LPCAT1: variants seen among roughly 807,000 people sequenced by gnomAD.
LPCAT1 encodes the protein lysophosphatidylcholine acyltransferase 1.
In LPCAT1, 23 loss-of-function variants were observed where a neutral mutation model predicts 60.9. The observed-to-expected ratio is 0.38, with a 90% CI of 0.27 to 0.53. The LOEUF (loss-of-function observed/expected upper bound fraction) is 0.53, where lower values mean the gene tolerates loss of function less well. Among genes scored for constraint, LPCAT1 ranks in the 20% least tolerant of loss-of-function variants. LPCAT1 has a pLI of 0.82. For missense variants in LPCAT1, 622 were observed against 723.6 expected, an observed-to-expected ratio of 0.86 and a Z score of 1.61; for synonymous variants, 340 against 301.1, an observed-to-expected ratio of 1.13 and a Z score of -1.34.
In LPCAT1 at chr5:1,509,397, G is replaced by C. The variant is rs78709001; in HGVS notation, c.136-7794C>G. 3.3e-5 allele frequency among the ~76,000 whole-genome samples: 5 copies of C among 152,338 alleles called. No homozygotes were observed. The East Asian group carries it at 9.6e-4, about 29-fold the overall frequency. ...ACGAGAGAACGTGCACTCCTCCCAC[G>C]GTGAGAGGGCGAGCGGCAGCACACA... On this transcript the variant is annotated intron_variant, in intron 1 of 13. Coordinates refer to ENST00000283415, the MANE Select transcript of LPCAT1 (RefSeq NM_024830.5).
chr5:1,462,643 C>G lies in LPCAT1; in HGVS notation c.*1008G>C, dbSNP rs1734148128. ...ACGCCAGTCACCATGGAAACCAGGG[C>G]TGACAGGAAGATGCAGCCGCTTCCA... On this transcript the variant is annotated 3_prime_UTR_variant, in exon 14 of 14. Transcript: ENST00000283415. The G allele has an allele frequency of 6.6e-6, 1 of 152,298 alleles. No homozygotes were observed. The highest frequency in any genetic ancestry group is 2.4e-5 in the African/African-American group (1 of 41,458). The allele number at this position is 152,298 out of a possible 1,614,324, so 9.4% of individuals were successfully genotyped here.
chr5:1,513,511 C>T (rs894487978), intron 1 of LPCAT1, among the ~76,000 whole-genome samples: 4 of 152,236 alleles, frequency 2.6e-5, no homozygotes, highest in African/African-American at 7.2e-5. Context: ...GGGCTGCACA[C>T]GTTCCACTGT....
chr5:1,493,492 C>T (rs935565125), intron 3 of LPCAT1, among the ~76,000 whole-genome samples: 3 of 152,260 alleles, frequency 2.0e-5, no homozygotes, highest in Non-Finnish European at 4.4e-5. Context: ...GAAACAGAGC[C>T]GGCAGGAGTG....
intron 1 of LPCAT1, among the ~76,000 whole-genome samples, chr5:1,519,802 C>T (rs1053411836): frequency 6.6e-6 from 1 of 152,246 alleles, no homozygotes; most frequent in African/African-American, 2.4e-5. Context: ...ATGGGCCTGG[C>T]ACCGTCTCCA....
intron 8 of LPCAT1, among the ~76,000 whole-genome samples, chr5:1,478,158 T>G (rs188446265): frequency 6.6e-6 from 1 of 152,368 alleles, no homozygotes; most frequent in Non-Finnish European, 1.5e-5. Context: ...CTAAAAGAAA[T>G]TGTCCAGTGA....
In LPCAT1 at chr5:1,494,882, C is replaced by T. The variant is rs1735725511; in HGVS notation, c.311G>A (p.Arg104His). Residue 104 changes from arginine to histidine, a missense_variant, in exon 3 of 14, where the codon CGC becomes CAC. Physicochemically the swap from Arg to His is conservative, Grantham distance 29. This residue lies in a region of LPCAT1 where 209 missense variants were observed against 325.5 expected (regional missense o/e 0.64). Coordinates refer to ENST00000283415, the MANE Select transcript of LPCAT1 (RefSeq NM_024830.5). ...VVDFLLKAIM[R>H]TMWFAGGFHR... ...GAAGCCGCCGGCGAACCACATGGTG[C>T]GCATGATGGCCTTCAGCAGGAAGTC... 3.1e-6 allele frequency: 5 copies of T among 1,612,362 alleles called. No individual in the cohort carries two copies. Among genetic ancestry groups the T allele is most frequent in the African/African-American group, 2.7e-5 (2 of 74,908 alleles).
intron 5 of LPCAT1, among the ~76,000 whole-genome samples, chr5:1,485,252 G>A (rs567845612): frequency 2.0e-4 from 30 of 152,270 alleles, no homozygotes; most frequent in African/African-American, 7.2e-4. Flanking sequence ...CCATGAGCCT[G>A]AAAGGTCAGT....
intron 4 of LPCAT1, 23 bp from the exon 5 acceptor site, chr5:1,488,474 G>C (rs748080661): frequency 2.6e-6 from 4 of 1,521,738 alleles, no homozygotes; most frequent in South Asian, 1.2e-5. Flanking sequence ...GAAAGAAAAG[G>C]ATCAGCATTA....
In LPCAT1 at chr5:1,481,270, T is replaced by C. The variant is rs530264599; in HGVS notation, c.727-294A>G. ...GAGTCCCTGAGGACTCAGAGCCCCC[T>C]CTTATAGGTTCCCAGAGCCCCTAGA... On this transcript the variant is annotated intron_variant, in intron 6 of 13. Coordinates refer to ENST00000283415, the MANE Select transcript of LPCAT1 (RefSeq NM_024830.5). This position sits in a 1 kb window ranked among gnomAD's most constrained non-coding sequence, Gnocchi z 7.8. Among the ~76,000 whole-genome samples, 4 of 151,618 alleles carry C rather than the reference T, an allele frequency of 2.6e-5. No individual in the cohort carries two copies. The highest frequency in any genetic ancestry group is 5.9e-5 in the Non-Finnish European group (4 of 67,932).
At chr5:1,515,452 C>A (rs1200334669) in intron 1 of LPCAT1, among the ~76,000 whole-genome samples, 2 of 148,132 alleles carry the variant, frequency 1.4e-5, no homozygotes, top group East Asian at 4.0e-4. Context: ...GGTCCCCCAC[C>A]TCCCCCGCCA....
In LPCAT1 at chr5:1,504,176, C is replaced by G. The variant is rs186192549; in HGVS notation, c.136-2573G>C. Among the ~76,000 whole-genome samples, 9 of 152,360 alleles carry G rather than the reference C, an allele frequency of 5.9e-5. 1 individual carries two copies. The highest frequency in any genetic ancestry group is 2.2e-4 in the African/African-American group (9 of 41,578). ...ATAGTCACATTTAGAACACAGCTCC[C>G]CCTAAGGACCACCTTGATTTAATCC... On this transcript the variant is annotated intron_variant, in intron 1 of 13. Coordinates refer to ENST00000283415, the MANE Select transcript of LPCAT1 (RefSeq NM_024830.5).
rs767146568 is a variant in LPCAT1 at position 1,474,122 on chromosome 5, A to C, written c.1026-12T>G. ...TTTCTGGTTTTAGCCTAGACAAAAA[A>C]AGAGGGAAAGCTTTCTTTTTCAATA... On this transcript the variant is annotated splice_polypyrimidine_tract_variant and intron_variant, in intron 10 of 13. Transcript: ENST00000283415. 1 of 1,606,668 alleles carries C rather than the reference A, an allele frequency of 6.2e-7. No individual in the cohort carries two copies. The highest frequency in any genetic ancestry group is 2.2e-5 in the East Asian group (1 of 44,726).
rs1229407906 is a variant in LPCAT1 at position 1,521,008 on chromosome 5, C to T, written c.135+2702G>A. Among the ~76,000 whole-genome samples, 2 of 151,866 alleles carry T rather than the reference C, an allele frequency of 1.3e-5. No individual in the cohort carries two copies. The highest frequency in any genetic ancestry group is 1.9e-4 in the East Asian group (1 of 5,194). On this transcript the variant is annotated intron_variant, in intron 1 of 13. Transcript: ENST00000283415. The surrounding 1 kb of genome is among the most constrained non-coding windows in gnomAD (Gnocchi z 4.3). ...GGTGACAGAAACCACTTCATGACTC[C>T]AAAACGATATATGAATGTGTGACTA... is the stretch of plus-strand genomic sequence containing the variant.
At position 1,523,862 on chromosome 5, in the gene LPCAT1, G is replaced by C; in HGVS notation, c.-18C>G. 1 of 1,046,798 alleles carries C rather than the reference G, an allele frequency of 9.6e-7. No individual in the cohort carries two copies. Among genetic ancestry groups the C allele is most frequent in the Middle Eastern group, 4.4e-4 (1 of 2,258 alleles). The allele number at this position is 1,046,798 out of a possible 1,614,324, so 64.8% of individuals were successfully genotyped here. A position where few individuals can be genotyped will look rare whatever the true frequency, so the allele number is the denominator to read the frequency against. On this transcript the variant is annotated 5_prime_UTR_variant, in exon 1 of 14. Transcript: ENST00000283415. This position sits in a 1 kb window ranked among gnomAD's most constrained non-coding sequence, Gnocchi z 7.1. ...AGCCTCATGGCCGCGCCGTCCCGCG[G>C]CGAGCGCAGCCGAGCTGCCTGGGGC...
At position 1,490,742 on chromosome 5, in the gene LPCAT1, G is replaced by A. The variant is rs113551688; in HGVS notation, c.494-884C>T. 8.9e-3 allele frequency among the ~76,000 whole-genome samples: 1,349 copies of A among 152,336 alleles called. 9 individuals carry two copies. Among genetic ancestry groups the A allele is most frequent in the Middle Eastern group, 0.02 (6 of 294 alleles). On this transcript the variant is annotated intron_variant, in intron 3 of 13. Coordinates refer to ENST00000283415, the MANE Select transcript of LPCAT1 (RefSeq NM_024830.5). ...GCTCAGCCAAGGCAACGTGGCCACG[G>A]CACCTGTCTTTATGCAAGAGGATTG...
Position 1,521,401 on chromosome 5 carries a change from A to T in LPCAT1, c.135+2309T>A. 1 of 985,480 alleles carries T rather than the reference A, an allele frequency of 1.0e-6. No homozygotes were observed. Among genetic ancestry groups the T allele is most frequent in the Non-Finnish European group, 1.2e-6 (1 of 829,938 alleles). 61.0% of individuals were successfully genotyped at this position (985,480 alleles called of 1,614,324 possible). On this transcript the variant is annotated intron_variant, in intron 1 of 13. Transcript: ENST00000283415. This position sits in a 1 kb window ranked among gnomAD's most constrained non-coding sequence, Gnocchi z 4.3. ...GTTTCTGCGGGTTCTTGAGTGTGTC[A>T]GCCACTACTGGACCCATTTCTTTCT... is the stretch of plus-strand genomic sequence containing the variant.
chr5:1,505,830 C>G (rs1162881553), intron 1 of LPCAT1, among the ~76,000 whole-genome samples: 2 of 152,250 alleles, frequency 1.3e-5, no homozygotes, highest in African/African-American at 2.4e-5. Context: ...ACGGGGAGGA[C>G]TGTGTGAACA....
Position 1,476,025 on chromosome 5 carries a change from A to T in LPCAT1, c.900-1340T>A, listed in dbSNP as rs1734902065. Among the ~76,000 whole-genome samples the T allele has an allele frequency of 6.6e-6, 1 of 152,208 alleles. No homozygotes were observed. Among genetic ancestry groups the T allele is most frequent in the African/African-American group, 2.4e-5 (1 of 41,448 alleles). ...TCCCGGTAATTTGGAGTGGGGTTTT[A>T]AGAGAATTCTGAATTACTACAATGG... On this transcript the variant is annotated intron_variant, in intron 9 of 13. Coordinates refer to ENST00000283415, the MANE Select transcript of LPCAT1 (RefSeq NM_024830.5). This position sits in a 1 kb window ranked among gnomAD's most constrained non-coding sequence, Gnocchi z 8.6.
At chr5:1,491,320 G>A (rs990236440) in intron 3 of LPCAT1, among the ~76,000 whole-genome samples, 5 of 105,346 alleles carry the variant, frequency 4.7e-5, no homozygotes, top group African/African-American at 9.9e-5. Context: ...TGGCCAAAGC[G>A]TCCCATGGTC....
Sources: allele counts gnomAD v4.1 joint callset (sites outside exome capture counted in the v4.1 genomes callset), GRCh38; gene constraint gnomAD v4.1.1; regional missense constraint gnomAD v4.1.1; non-coding constraint Gnocchi (gnomAD v3.1); transcripts MANE v1.5; gene names NCBI Gene and HGNC (gene_info 2026-07-23, HGNC 2026-07-21).